Variants in ACOT12 observed in about 807,000 individuals in gnomAD.
ACOT12 encodes acyl-CoA thioesterase 12.
ACOT12 carries 51 observed loss-of-function variants against 67.7 expected under a neutral mutation model. That is an observed-to-expected ratio of 0.75 (90% CI 0.60 to 0.95). ACOT12 has a LOEUF of 0.95. Ranked by LOEUF, ACOT12 falls within the 40% of genes least tolerant of loss-of-function variation. The probability of loss-of-function intolerance (pLI) is 0.00; values close to 1 mark genes in which losing one functional copy is unlikely to be tolerated. For missense variants in ACOT12, 734 were observed against 708.1 expected (o/e 1.04, Z -0.41); for synonymous variants, 251 against 244.6 (o/e 1.03, Z -0.24).
Position 81,344,233 on chromosome 5 carries a change from G to C in ACOT12, c.925-18C>G, listed in dbSNP as rs747005062. 4.4e-6 allele frequency: 7 copies of C among 1,608,074 alleles called. No homozygotes were observed. In the East Asian group the frequency reaches 1.3e-4, roughly 31 times the overall value. ...AAATCATCCTTTAATCAAAAACAAA[G>C]TAAAATCAATAAAATAAAATAAAAT... On this transcript the variant is annotated intron_variant, in intron 8 of 14. Coordinates refer to ENST00000307624, the MANE Select transcript of ACOT12 (RefSeq NM_130767.3).
chr5:81,356,076 T>C (rs1759703702), intron 5 of ACOT12, among the ~76,000 whole-genome samples: 1 of 152,152 alleles, frequency 6.6e-6, no homozygotes, highest in Non-Finnish European at 1.5e-5. Context: ...CTTGTACATG[T>C]GCTTCAAACA....
chr5:81,369,900 G>T lies in ACOT12; in HGVS notation c.258+1850C>A, dbSNP rs578109819. On this transcript the variant is annotated intron_variant, in intron 3 of 14. Coordinates refer to ENST00000307624, the MANE Select transcript of ACOT12 (RefSeq NM_130767.3). Reference sequence around the variant, plus strand: ...AATAAACGCTCCAGAAACACCATTTGCTGACAGAGCTTGTTTTCTTCACGA... The same window carrying T: ...AATAAACGCTCCAGAAACACCATTTTCTGACAGAGCTTGTTTTCTTCACGA... Among the ~76,000 whole-genome samples the T allele has an allele frequency of 4.6e-5, 7 of 152,298 alleles. No homozygotes were observed. The South Asian group carries it at 1.4e-3, about 32-fold the overall frequency.
chr5:81,393,848 G>T, intron 1 of ACOT12, 140 bp downstream of exon 1: 4 of 972,124 alleles, frequency 4.1e-6, no homozygotes, highest in Non-Finnish European at 5.3e-6. Context: ...GCGCACTGTT[G>T]CAACACCCCT....
intron 4 of ACOT12, among the ~76,000 whole-genome samples, chr5:81,360,543 G>A (rs1452384926): frequency 2.0e-5 from 3 of 152,128 alleles, no homozygotes; most frequent in Non-Finnish European, 4.4e-5. Flanking sequence ...TATCTAATAA[G>A]CAAAACAAAA....
At chr5:81,343,206 A>AT (rs1759259466) in intron 10 of ACOT12, among the ~76,000 whole-genome samples, 10 of 151,894 alleles carry the variant, frequency 6.6e-5, no homozygotes, top group Admixed American at 6.6e-4. Flanking sequence ...CCAAAAAAAA[A>AT]CCCAACAAAA....
intron 5 of ACOT12, among the ~76,000 whole-genome samples, chr5:81,357,788 C>T (rs1342160430): frequency 2.0e-5 from 3 of 151,990 alleles, no homozygotes; most frequent in East Asian, 1.9e-4. Flanking sequence ...GGCGGATCAC[C>T]TGAGGTCAGG....
At chr5:81,317,202 A>T in the ACOT12 span, among the ~76,000 whole-genome samples, 2 of 152,190 alleles carry the variant, frequency 1.3e-5, no homozygotes, top group African/African-American at 2.4e-5. Context: ...TGGGTAATTT[A>T]TAAAGAAAAG....
the ACOT12 span, among the ~76,000 whole-genome samples, chr5:81,312,062 T>C: frequency 2.0e-5 from 3 of 152,350 alleles, no homozygotes; most frequent in South Asian, 6.2e-4. Context: ...GTCTAGAAGA[T>C]AGTCTTTAGT....
chr5:81,391,448 C>T (rs891348448), intron 1 of ACOT12, among the ~76,000 whole-genome samples: 9 of 152,164 alleles, frequency 5.9e-5, no homozygotes, highest in African/African-American at 2.2e-4. Context: ...GTGTTATAAG[C>T]CTACTTTTGT....
At chr5:81,310,094 T>G in the ACOT12 span, among the ~76,000 whole-genome samples, 1 of 144,976 alleles carries the variant, frequency 6.9e-6, no homozygotes, top group Non-Finnish European at 1.5e-5. Context: ...CTTATAAAAC[T>G]GGGTAGATAA....
At chr5:81,320,077 A>G in the ACOT12 span, among the ~76,000 whole-genome samples, 4 of 152,292 alleles carry the variant, frequency 2.6e-5, no homozygotes, top group African/African-American at 9.6e-5. Context: ...CAGGAGGGTG[A>G]ACCTCCAATT....
At position 81,385,779 on chromosome 5, in the gene ACOT12, T is replaced by C; in HGVS notation, c.175A>G (p.Ile59Val). The C allele has an allele frequency of 1.2e-6, 2 of 1,614,116 alleles. No homozygotes were observed. Among genetic ancestry groups the C allele is most frequent in the African/African-American group, 1.3e-5 (1 of 75,052 alleles). ...VSCVTASVDD[I>V]QFEETARVGQ... Reference sequence around the variant, plus strand: ...TACCTAGCTGTCTCCTCAAACTGTATGTCATCCACTGAGGCTGTAACGCAG... The same window carrying C: ...TACCTAGCTGTCTCCTCAAACTGTACGTCATCCACTGAGGCTGTAACGCAG... Residue 59 changes from isoleucine to valine, a missense_variant, in exon 2 of 15, where the codon ATA becomes GTA. Transcript: ENST00000307624.
Position 81,385,843 on chromosome 5 carries a change from A to C in ACOT12, c.128-17T>G. On this transcript the variant is annotated splice_polypyrimidine_tract_variant and intron_variant, in intron 1 of 14. Coordinates refer to ENST00000307624, the MANE Select transcript of ACOT12 (RefSeq NM_130767.3). ...GTTTCTCAGCTTCAAAAAATACATA[A>C]AAATGTGCTGCTTTAGTGGTGATAT... 6.2e-7 allele frequency: 1 copy of C among 1,611,542 alleles called. No individual in the cohort carries two copies. Among genetic ancestry groups the C allele is most frequent in the South Asian group, 1.1e-5 (1 of 90,908 alleles).
At chr5:81,378,826 G>A (rs1386392237) in intron 2 of ACOT12, among the ~76,000 whole-genome samples, 1 of 152,096 alleles carries the variant, frequency 6.6e-6, no homozygotes, top group Admixed American at 6.5e-5. Flanking sequence ...TAAAAAGTCA[G>A]GAAACAACAG....
intron 3 of ACOT12, among the ~76,000 whole-genome samples, chr5:81,369,262 G>A (rs1320373369): frequency 2.6e-5 from 4 of 152,130 alleles, no homozygotes; most frequent in Admixed American, 6.5e-5. Context: ...GAAGAGGGAA[G>A]AGACTGATCA....
intron 4 of ACOT12, among the ~76,000 whole-genome samples, chr5:81,362,478 C>T (rs947982075): frequency 1.3e-5 from 2 of 152,088 alleles, no homozygotes; most frequent in African/African-American, 2.4e-5. Context: ...CTATTATATT[C>T]TTATTCCACA....
chr5:81,311,124 G>A, the ACOT12 span: 3 of 1,335,574 alleles, frequency 2.2e-6, no homozygotes, highest in African/African-American at 4.3e-5. Context: ...GGGTTGTGAG[G>A]ATCCAGTAAG....
At chr5:81,354,935 G>A (rs1481945583) in intron 5 of ACOT12, among the ~76,000 whole-genome samples, 4 of 152,002 alleles carry the variant, frequency 2.6e-5, no homozygotes, top group Admixed American at 1.3e-4. Flanking sequence ...CAAGTGATCC[G>A]CCTGCCTCAG....
At chr5:81,348,550 T>C (rs1030586507) in intron 5 of ACOT12, among the ~76,000 whole-genome samples, 4 of 152,170 alleles carry the variant, frequency 2.6e-5, no homozygotes, top group Admixed American at 2.0e-4. Context: ...CAATCTGTTA[T>C]ACTTCTTCAT....
Sources: gnomAD v4.1 joint callset for allele counts (sites outside exome capture counted in the v4.1 genomes callset) on GRCh38, gnomAD v4.1.1 for gene constraint, MANE v1.5 for transcripts, NCBI Gene and HGNC (gene_info 2026-07-23, HGNC 2026-07-21) for gene names.